The following NSMCE2 variants were observed in gnomAD, a reference collection of about 807,000 sequenced individuals.
NSMCE2 encodes E3 SUMO-protein ligase NSE2.
NSMCE2 carries 24 observed loss-of-function variants against 23.8 expected under a neutral mutation model. That is an observed-to-expected ratio of 1.01 (90% CI 0.73 to 1.42). The LOEUF is 1.42. Ranked by LOEUF, NSMCE2 falls within the 40% of genes most tolerant of loss-of-function variation. The pLI is 0.00. For missense variants in NSMCE2, 284 were observed against 296.5 expected (o/e 0.96, Z 0.31); for synonymous variants, 92 against 94.1 (o/e 0.98, Z 0.13).
chr8:125,289,169 A>G (rs966255205), intron 5 of NSMCE2, among the ~76,000 whole-genome samples: 1 of 152,164 alleles, frequency 6.6e-6, no homozygotes, highest in African/African-American at 2.4e-5. Flanking sequence ...CTCAATAAAT[A>G]TTTGTTGAAC....
intron 5 of NSMCE2, among the ~76,000 whole-genome samples, chr8:125,354,340 T>TA (rs1439424313): frequency 1.3e-5 from 2 of 152,350 alleles, no homozygotes; most frequent in East Asian, 1.9e-4. Flanking sequence ...GCAATTATCT[T>TA]ACCATACTGG....
chr8:125,105,527 CAT>C (rs1351350077), intron 3 of NSMCE2, among the ~76,000 whole-genome samples: 4 of 151,718 alleles, frequency 2.6e-5, no homozygotes, highest in Non-Finnish European at 5.9e-5. Flanking sequence ...TAAAATACAA[CAT>C]GTGCAATTTA....
intron 3 of NSMCE2, among the ~76,000 whole-genome samples, chr8:125,117,904 CAAGAATGTAGG>C (rs994206376): frequency 6.6e-6 from 1 of 152,140 alleles, no homozygotes; most frequent in Non-Finnish European, 1.5e-5. Flanking sequence ...ATATCTGGAT[CAAGAATGTAGG>C]AAGTTACTTT....
chr8:125,287,842 A>T (rs1011293014), intron 5 of NSMCE2, among the ~76,000 whole-genome samples: 67 of 152,264 alleles, frequency 4.4e-4, no homozygotes, highest in African/African-American at 1.5e-3. Context: ...TGACCTGCAC[A>T]TTGCCAGTTT....
At position 125,139,445 on chromosome 8, in the gene NSMCE2, G is replaced by A. The variant is rs139631781; in HGVS notation, c.158-11726G>A. 5.6e-3 allele frequency among the ~76,000 whole-genome samples: 850 copies of A among 152,116 alleles called. 10 individuals carry two copies. The highest frequency in any genetic ancestry group is 0.019 in the African/African-American group (800 of 41,480). ...CTCACACTGCTAATAAAGACATACC[G>A]GAGACTGGTAATTTATAAAGGAAAG... On this transcript the variant is annotated intron_variant, in intron 3 of 7. Transcript: ENST00000287437.
intron 3 of NSMCE2, among the ~76,000 whole-genome samples, chr8:125,129,309 T>G (rs2130549594): frequency 6.6e-6 from 1 of 152,264 alleles, no homozygotes; most frequent in South Asian, 2.1e-4. Context: ...AGGTTGGTAA[T>G]GACCTTTATA....
chr8:125,175,562 A>G (rs1345454820), intron 4 of NSMCE2, among the ~76,000 whole-genome samples: 2 of 152,192 alleles, frequency 1.3e-5, no homozygotes, highest in East Asian at 3.9e-4. Context: ...TTTTGGAGAA[A>G]GTCAATCTAT....
At chr8:125,269,061 A>G (rs1171621872) in intron 5 of NSMCE2, among the ~76,000 whole-genome samples, 1 of 152,080 alleles carries the variant, frequency 6.6e-6, no homozygotes, top group East Asian at 1.9e-4. Flanking sequence ...AAAATGGATT[A>G]AGATATATTT....
intron 3 of NSMCE2, among the ~76,000 whole-genome samples, chr8:125,122,894 C>T (rs1427213533): frequency 6.6e-6 from 1 of 152,122 alleles, no homozygotes; most frequent in Non-Finnish European, 1.5e-5. Context: ...TTGCACTACT[C>T]AACTCTGCCA....
intron 3 of NSMCE2, among the ~76,000 whole-genome samples, chr8:125,114,774 C>T (rs1414929338): frequency 6.6e-6 from 1 of 152,164 alleles, no homozygotes; most frequent in Non-Finnish European, 1.5e-5. Context: ...TGCATACATA[C>T]ATACATATAC....
intron 5 of NSMCE2, among the ~76,000 whole-genome samples, chr8:125,267,227 C>G (rs1159566710): frequency 2.0e-5 from 3 of 152,060 alleles, no homozygotes; most frequent in Non-Finnish European, 1.5e-5. Context: ...AGGCTGGTCT[C>G]AAACTCCTGA....
chr8:125,139,474 T>A (rs992213146), intron 3 of NSMCE2, among the ~76,000 whole-genome samples: 14 of 151,974 alleles, frequency 9.2e-5, no homozygotes, highest in African/African-American at 2.7e-4. Flanking sequence ...AGGAAAGAGG[T>A]TTAATTGACT....
intron 4 of NSMCE2, among the ~76,000 whole-genome samples, chr8:125,181,734 A>C (rs1297211130): frequency 1.3e-5 from 2 of 152,120 alleles, no homozygotes; most frequent in African/African-American, 4.8e-5. Context: ...GAAGGATGGA[A>C]TAACCACTTG....
chr8:125,135,603 C>T (rs1298208534), intron 3 of NSMCE2, among the ~76,000 whole-genome samples: 1 of 151,938 alleles, frequency 6.6e-6, no homozygotes, highest in Non-Finnish European at 1.5e-5. Flanking sequence ...TCAGTATTTT[C>T]CTTCTTTTTT....
At chr8:125,345,145 G>A (rs986139955) in intron 5 of NSMCE2, among the ~76,000 whole-genome samples, 9 of 152,088 alleles carry the variant, frequency 5.9e-5, no homozygotes, top group African/African-American at 1.9e-4. Context: ...GATCGGGGGC[G>A]TAGATGGTTT....
chr8:125,200,978 C>A (rs1257916559), intron 5 of NSMCE2, among the ~76,000 whole-genome samples: 1 of 152,178 alleles, frequency 6.6e-6, no homozygotes, highest in African/African-American at 2.4e-5. Context: ...GAAGCTTGTG[C>A]ATGCATCACG....
chr8:125,338,550 C>T (rs1462015190), intron 5 of NSMCE2, among the ~76,000 whole-genome samples: 2 of 152,154 alleles, frequency 1.3e-5, no homozygotes, highest in East Asian at 3.8e-4. Context: ...TTCTGAATTT[C>T]GTTAGCAGTA....
intron 4 of NSMCE2, among the ~76,000 whole-genome samples, chr8:125,178,757 C>T (rs1822626062): frequency 1.3e-5 from 2 of 152,072 alleles, no homozygotes; most frequent in African/African-American, 4.8e-5. Context: ...GTAGTCCCAG[C>T]TACTTGGGAG....
intron 5 of NSMCE2, among the ~76,000 whole-genome samples, chr8:125,225,331 G>A (rs1825044696): frequency 6.6e-6 from 1 of 152,150 alleles, no homozygotes; most frequent in East Asian, 1.9e-4. Flanking sequence ...GCTCTTTTAA[G>A]CTCTCTAACA....
Sources: allele counts gnomAD v4.1 joint callset (sites outside exome capture counted in the v4.1 genomes callset), GRCh38; gene constraint gnomAD v4.1.1; transcripts MANE v1.5; gene names NCBI Gene and HGNC (gene_info 2026-07-23, HGNC 2026-07-21).